RAPGEF5: variants seen among roughly 807,000 people sequenced by gnomAD.
RAPGEF5 encodes the protein Rap guanine nucleotide exchange factor 5.
A neutral mutation model predicts 125.2 loss-of-function variants in RAPGEF5; 65 were observed. That is an observed-to-expected ratio of 0.52 (90% confidence interval 0.43 to 0.64). The LOEUF (loss-of-function observed/expected upper bound fraction) is 0.64. Among genes scored for constraint, RAPGEF5 ranks in the 30% least tolerant of loss-of-function variants. The probability of loss-of-function intolerance (pLI) is 0.00; values close to 1 mark genes in which losing one functional copy is unlikely to be tolerated. For synonymous variants in RAPGEF5, 391 were observed against 385.9 expected, an observed-to-expected ratio of 1.01 and a Z score of -0.16; for missense variants, 958 against 1,048.1, an observed-to-expected ratio of 0.91 and a Z score of 1.19.
At chr7:22,232,504 G>C (rs994316673) in intron 7 of RAPGEF5, among the ~76,000 whole-genome samples, 3 of 152,018 alleles carry the variant, frequency 2.0e-5, no homozygotes, top group South Asian at 2.1e-4. Context: ...ATTTTTAATA[G>C]AGACAGGGTT....
chr7:22,204,110 GAAC>G (rs1034458389), intron 9 of RAPGEF5, among the ~76,000 whole-genome samples: 2 of 152,142 alleles, frequency 1.3e-5, no homozygotes, highest in African/African-American at 2.4e-5. Context: ...CTTTACAACT[GAAC>G]AACAAGAGGA....
chr7:22,186,609 C>A (rs1038930304), intron 11 of RAPGEF5, among the ~76,000 whole-genome samples: 1 of 152,058 alleles, frequency 6.6e-6, no homozygotes, highest in Admixed American at 6.5e-5. Context: ...GTATCCCTGG[C>A]ATTTAGAACA....
At chr7:22,161,127 T>G (rs927250901) in intron 13 of RAPGEF5, among the ~76,000 whole-genome samples, 1 of 151,840 alleles carries the variant, frequency 6.6e-6, no homozygotes, top group African/African-American at 2.4e-5. Flanking sequence ...GAGAATGGCG[T>G]GAACCCAGGA....
At chr7:22,126,695 C>A (rs1782756041) in intron 24 of RAPGEF5, among the ~76,000 whole-genome samples, 1 of 152,172 alleles carries the variant, frequency 6.6e-6, no homozygotes, top group South Asian at 2.1e-4. Flanking sequence ...CTCACTGCAA[C>A]CTCTGCCTCA....
intron 5 of RAPGEF5, among the ~76,000 whole-genome samples, chr7:22,294,344 G>T (rs192066614): frequency 6.6e-6 from 1 of 152,280 alleles, no homozygotes; most frequent in East Asian, 1.9e-4. Flanking sequence ...ACCTTTCAAG[G>T]TCTCTGCTTA....
intron 23 of RAPGEF5, among the ~76,000 whole-genome samples, chr7:22,132,911 A>G (rs929373076): frequency 8.5e-5 from 13 of 152,212 alleles, no homozygotes; most frequent in Admixed American, 2.0e-4. Flanking sequence ...GCTCACAGCT[A>G]TATGTGTCAG....
chr7:22,322,214 C>T (rs1227164013), intron 1 of RAPGEF5, among the ~76,000 whole-genome samples: 2 of 151,854 alleles, frequency 1.3e-5, no homozygotes, highest in African/African-American at 2.4e-5. Flanking sequence ...CAGCTCACTG[C>T]AGCCTTGACC....
chr7:22,265,681 TA>T (rs5882839), intron 7 of RAPGEF5, among the ~76,000 whole-genome samples: 70,921 of 151,916 alleles, frequency 0.47, 17,035 homozygotes, highest in East Asian at 0.67. Flanking sequence ...TGTACTAATT[TA>T]ACATTCCCAC....
At chr7:22,202,650 T>C (rs1785305733) in intron 9 of RAPGEF5, among the ~76,000 whole-genome samples, 1 of 152,182 alleles carries the variant, frequency 6.6e-6, no homozygotes, top group Admixed American at 6.5e-5. Context: ...TATCGTCCAT[T>C]TCTCTCTATT....
At chr7:22,248,683 T>C (rs946077587) in intron 7 of RAPGEF5, among the ~76,000 whole-genome samples, 1 of 152,126 alleles carries the variant, frequency 6.6e-6, no homozygotes, top group Non-Finnish European at 1.5e-5. Flanking sequence ...TAGGCATAAG[T>C]GATAAACGCG....
intron 7 of RAPGEF5, among the ~76,000 whole-genome samples, chr7:22,260,656 T>C (rs1782133598): frequency 2.0e-5 from 3 of 152,026 alleles, no homozygotes; most frequent in African/African-American, 7.2e-5. Context: ...CCTATATTCA[T>C]TGATAGAAAC....
chr7:22,132,379 T>C (rs1237067280), intron 23 of RAPGEF5, among the ~76,000 whole-genome samples: 2 of 3,606 alleles, frequency 5.5e-4, no homozygotes, highest in African/African-American at 1.1e-3. Flanking sequence ...CTTTCCTCTC[T>C]TTTTTTTTTT....
chr7:22,215,806 T>A (rs73081721), intron 9 of RAPGEF5, among the ~76,000 whole-genome samples: 2,593 of 152,198 alleles, frequency 0.017, 40 homozygotes, highest in Non-Finnish European at 0.027. Context: ...TTTCAAAGGG[T>A]TCTGGAAAGA....
intron 2 of RAPGEF5, among the ~76,000 whole-genome samples, chr7:22,316,418 C>T (rs200585343): frequency 6.9e-6 from 1 of 144,662 alleles, no homozygotes; most frequent in Non-Finnish European, 1.5e-5. Context: ...TATATACATA[C>T]ACACACATAT....
intron 8 of RAPGEF5, among the ~76,000 whole-genome samples, chr7:22,228,894 T>C (rs904158931): frequency 6.6e-6 from 1 of 152,162 alleles, no homozygotes; most frequent in Non-Finnish European, 1.5e-5. Flanking sequence ...CTTTACATTA[T>C]GCTGCCCAAC....
chr7:22,167,390 C>T (rs1470369850), intron 11 of RAPGEF5, among the ~76,000 whole-genome samples: 1 of 152,116 alleles, frequency 6.6e-6, no homozygotes, highest in Non-Finnish European at 1.5e-5. Flanking sequence ...TCTAAACATA[C>T]AATTTTGTTA....
At chr7:22,145,679 G>A (rs959562483) in intron 19 of RAPGEF5, among the ~76,000 whole-genome samples, 4 of 152,166 alleles carry the variant, frequency 2.6e-5, no homozygotes, top group Non-Finnish European at 2.9e-5. Context: ...GACTGCTGAA[G>A]CACAGATTGC....
chr7:22,166,245 A>C (rs1413477094), intron 12 of RAPGEF5, among the ~76,000 whole-genome samples: 5 of 151,798 alleles, frequency 3.3e-5, no homozygotes, highest in Non-Finnish European at 7.4e-5. Context: ...GTCTTAATAG[A>C]ACTTTAGTAT....
chr7:22,227,161 A>G (rs931081020), intron 8 of RAPGEF5, among the ~76,000 whole-genome samples: 51 of 152,092 alleles, frequency 3.4e-4, no homozygotes, highest in African/African-American at 1.2e-3. Flanking sequence ...ACCTAAGAGA[A>G]ATTATAGCTC....
Sources: allele counts gnomAD v4.1 joint callset (sites outside exome capture counted in the v4.1 genomes callset), GRCh38; gene constraint gnomAD v4.1.1; transcripts MANE v1.5; gene names NCBI Gene and HGNC (gene_info 2026-07-23, HGNC 2026-07-21).